NEK1: variants seen among roughly 807,000 people sequenced by gnomAD.
The protein encoded by NEK1 is NIMA related kinase 1.
NEK1 carries 137 observed loss-of-function variants against 182.1 expected under a neutral mutation model. The ratio of observed to expected loss-of-function variants is 0.75; its 90% CI spans 0.65 to 0.87. The LOEUF is 0.87. NEK1 is among the 40% of genes least tolerant of loss of function. NEK1 has a pLI of 0.00. For missense variants in NEK1, 1,391 were observed against 1,494.4 expected, an observed-to-expected ratio of 0.93 and a Z score of 1.14; for synonymous variants, 513 against 492.2, an observed-to-expected ratio of 1.04 and a Z score of -0.56.
rs532733401 is a variant in NEK1 at position 169,612,213 on chromosome 4, T to G, written c.-173+9A>C. 1.3e-5 allele frequency: 2 copies of G among 152,238 alleles called. No homozygotes were observed. Among genetic ancestry groups the G allele is most frequent in the Non-Finnish European group, 2.9e-5 (2 of 68,108 alleles). The allele number at this position is 152,238 out of a possible 1,614,324, so 9.4% of individuals were successfully genotyped here. ...CCAGACTGAAAGGGGGCACTGAGAC[T>G]CTCCACACCTGACACTCGTCTTCAG... On this transcript the variant is annotated intron_variant, in intron 1 of 35. Coordinates refer to ENST00000507142, the MANE Select transcript of NEK1 (RefSeq NM_001199397.3).
At chr4:169,410,933 G>A (rs1009020062) in intron 31 of NEK1, among the ~76,000 whole-genome samples, 1 of 152,206 alleles carries the variant, frequency 6.6e-6, no homozygotes, top group African/African-American at 2.4e-5. Context: ...TTGCAAGAGG[G>A]CACTGACAGT....
At chr4:169,493,641 A>C (rs775093992) in intron 23 of NEK1, among the ~76,000 whole-genome samples, 82 of 152,234 alleles carry the variant, frequency 5.4e-4, no homozygotes, top group Admixed American at 4.8e-3. Flanking sequence ...GAATTTCAAA[A>C]TACAGTTGGA....
intron 27 of NEK1, among the ~76,000 whole-genome samples, chr4:169,462,610 A>C (rs1225291394): frequency 6.6e-6 from 1 of 152,098 alleles, no homozygotes; most frequent in Non-Finnish European, 1.5e-5. Flanking sequence ...AGACAGAGAA[A>C]AAGAGTGAGA....
rs1405540971 is a variant in NEK1, at chr4:169,477,305, T to C, written c.2253A>G (p.Gln751=). 3 of 1,586,782 alleles carry C rather than the reference T, an allele frequency of 1.9e-6. No homozygotes were observed. Among genetic ancestry groups the C allele is most frequent in the East Asian group, 4.5e-5 (2 of 44,032 alleles). ...LRRLNENLKA[Q]EDEKGKQNLS... is the part of the protein sequence containing the mutation. ...GATTCTGCTTTCCTTTTTCATCTTC[T>C]TGAGCTTTAAGATTTTCATTTAATC... is the stretch of plus-strand genomic sequence containing the variant. Residue 751 remains glutamine (Q), a synonymous_variant, in exon 26 of 36, where the codon CAA becomes CAG. Transcript: ENST00000507142.
At chr4:169,550,107 G>A (rs1580696559) in intron 18 of NEK1, among the ~76,000 whole-genome samples, 1 of 152,172 alleles carries the variant, frequency 6.6e-6, no homozygotes, top group Non-Finnish European at 1.5e-5. Context: ...TGTTGTGGGA[G>A]GGACCTGGTG....
chr4:169,406,723 C>T lies in NEK1; in HGVS notation c.3247G>A (p.Asp1083Asn). ...AGGGTTCTGAACAGCTTTGAGAGAT[C>T]TGGAAGTGAACATGTCCTTAACATC... is the stretch of plus-strand genomic sequence containing the variant. ...PKMLRTCSLP[D>N]LSKLFRTLMD... Residue 1083 changes from aspartate (D) to asparagine (N), a missense_variant, in exon 32 of 36, where the codon GAT becomes AAT. Around this residue, in one of 5 missense-constraint regions of NEK1, gnomAD observed 1,216 missense variants for 1,277.6 expected, o/e 0.95. Coordinates refer to ENST00000507142, the MANE Select transcript of NEK1 (RefSeq NM_001199397.3). 6.2e-7 allele frequency: 1 copy of T among 1,600,402 alleles called. No homozygotes were observed. Among genetic ancestry groups the T allele is most frequent in the Non-Finnish European group, 8.5e-7 (1 of 1,175,298 alleles).
chr4:169,496,472 G>T (rs1172321500), intron 23 of NEK1, among the ~76,000 whole-genome samples: 1 of 149,656 alleles, frequency 6.7e-6, no homozygotes, highest in East Asian at 1.9e-4. Flanking sequence ...GGGCATCCCT[G>T]TCTTGTGCCA....
intron 12 of NEK1, among the ~76,000 whole-genome samples, chr4:169,566,021 T>A (rs1763624236): frequency 6.6e-6 from 1 of 152,224 alleles, no homozygotes; most frequent in Admixed American, 6.5e-5. Flanking sequence ...TAAATCATAA[T>A]CTTTGGACAT....
chr4:169,545,175 A>G (rs368869075), intron 18 of NEK1, among the ~76,000 whole-genome samples: 11,960 of 146,046 alleles, frequency 0.082, 657 homozygotes, highest in African/African-American at 0.15. Context: ...CTAGCCTTAG[A>G]TATATCTCCC....
At position 169,576,924 on chromosome 4, in the gene NEK1, A is replaced by G. The variant is rs1765772279; in HGVS notation, c.1020+4T>C. The G allele has an allele frequency of 2.5e-6, 4 of 1,593,730 alleles. No homozygotes were observed. The East Asian group carries it at 9.0e-5, about 36-fold the overall frequency. On this transcript the variant is annotated splice_donor_region_variant and intron_variant, in intron 12 of 35. Transcript: ENST00000507142. Reference sequence around the variant, plus strand: ...TTAACACATGGTATGTAACATGATCATACCTGTTTATGTTTTTGCAGTGGT... The same window carrying G: ...TTAACACATGGTATGTAACATGATCGTACCTGTTTATGTTTTTGCAGTGGT...
chr4:169,591,669 T>A (rs1768532301), intron 5 of NEK1, among the ~76,000 whole-genome samples: 1 of 152,044 alleles, frequency 6.6e-6, no homozygotes, highest in Non-Finnish European at 1.5e-5. Context: ...GTACATGGCA[T>A]TTTTAAACTA....
At chr4:169,496,889 G>A (rs1241446381) in intron 23 of NEK1, among the ~76,000 whole-genome samples, 2 of 152,148 alleles carry the variant, frequency 1.3e-5, no homozygotes, top group Non-Finnish European at 2.9e-5. Context: ...TCTCTGCCAG[G>A]CTTTGGTATC....
chr4:169,437,085 C>T (rs1251930744), intron 28 of NEK1, among the ~76,000 whole-genome samples: 1 of 152,226 alleles, frequency 6.6e-6, no homozygotes, highest in African/African-American at 2.4e-5. Context: ...AGCAGGCTGA[C>T]AATGCTATTC....
At chr4:169,508,692 TA>T (rs766872314) in intron 20 of NEK1, 76 bp downstream of exon 20, 87 of 1,120,554 alleles carry the variant, frequency 7.8e-5, no homozygotes, top group Non-Finnish European at 1.0e-4. Flanking sequence ...GTTAAGAATT[TA>T]AACCATGCAA....
At chr4:169,475,839 T>A (rs1356883999) in intron 26 of NEK1, among the ~76,000 whole-genome samples, 3 of 151,986 alleles carry the variant, frequency 2.0e-5, no homozygotes, top group Non-Finnish European at 2.9e-5. Context: ...TAATAGCAGA[T>A]TGGGTATGGC....
At chr4:169,455,327 C>CA (rs536817817) in intron 27 of NEK1, among the ~76,000 whole-genome samples, 1,485 of 135,250 alleles carry the variant, frequency 0.011, 19 homozygotes, top group South Asian at 0.066. Flanking sequence ...GAAGCATAAT[C>CA]AAAAAAAAAA....
intron 18 of NEK1, among the ~76,000 whole-genome samples, chr4:169,546,579 G>A (rs1041958034): frequency 6.6e-6 from 1 of 152,162 alleles, no homozygotes; most frequent in African/African-American, 2.4e-5. Context: ...ACAGTGGGGT[G>A]TTAAAGTCTC....
intron 23 of NEK1, among the ~76,000 whole-genome samples, chr4:169,484,599 T>C (rs1748717231): frequency 6.6e-6 from 1 of 152,110 alleles, no homozygotes. Context: ...CTAAACGATC[T>C]GGGGAAGAAT....
chr4:169,599,211 A>C lies in NEK1; in HGVS notation c.215-14T>G. The C allele has an allele frequency of 2.6e-6, 4 of 1,558,332 alleles. No individual in the cohort carries two copies. The highest frequency in any genetic ancestry group is 3.5e-6 in the Non-Finnish European group (4 of 1,133,506). On this transcript the variant is annotated splice_polypyrimidine_tract_variant and intron_variant, in intron 4 of 35. Transcript: ENST00000507142. ...GAGAGCCATTTTCTACAAAATATAA[A>C]CATTACAGTCCACTTTTAAAAACGT...
Sources: allele counts gnomAD v4.1 joint callset (sites outside exome capture counted in the v4.1 genomes callset), GRCh38; gene constraint gnomAD v4.1.1; regional missense constraint gnomAD v4.1.1; transcripts MANE v1.5; gene names NCBI Gene and HGNC (gene_info 2026-07-23, HGNC 2026-07-21).